PUDP: variants seen among roughly 807,000 people sequenced by gnomAD.
PUDP encodes the protein pseudouridine 5'-phosphatase.
A neutral mutation model predicts 9.4 loss-of-function variants in PUDP; 8 were observed. The ratio of observed to expected loss-of-function variants is 0.85; its 90% CI spans 0.50 to 1.53. PUDP has a LOEUF of 1.53. Among genes scored for constraint, PUDP ranks in the 40% most tolerant of loss-of-function variants. The pLI is 0.00. For synonymous variants in PUDP, 99 were observed against 80.7 expected (o/e 1.23, Z -1.22); for missense variants, 188 against 189.7 (o/e 0.99, Z 0.05).
chrX:7,058,429 T>C (rs1411665477), intron 3 of PUDP, among the ~76,000 whole-genome samples: 7 of 112,364 alleles, frequency 6.2e-5, no homozygotes, highest in Admixed American at 1.9e-4. Flanking sequence ...TAAAGCCATG[T>C]ATGATCTGAA....
At chrX:6,834,958 C>T (rs113974919) in intron 3 of PUDP, among the ~76,000 whole-genome samples, 22 of 111,193 alleles carry the variant, frequency 2.0e-4, no homozygotes, top group African/African-American at 6.5e-4. Context: ...CCGACACATG[C>T]TTTTCGGGGG....
intron 1 of PUDP, among the ~76,000 whole-genome samples, chrX:6,714,820 T>C (rs1924579042): frequency 9.0e-6 from 1 of 111,603 alleles, no homozygotes; most frequent in Admixed American, 9.6e-5. Flanking sequence ...AAGTGATTCT[T>C]CAAACCAACC....
At chrX:6,791,750 TC>T (rs761479561) in intron 3 of PUDP, among the ~76,000 whole-genome samples, 1 of 111,773 alleles carries the variant, frequency 8.9e-6, no homozygotes, top group Non-Finnish European at 1.9e-5. Flanking sequence ...AATTCAGACT[TC>T]CAGGACTGTA....
chrX:6,800,103 C>A (rs746068740), intron 3 of PUDP, among the ~76,000 whole-genome samples: 50 of 111,786 alleles, frequency 4.5e-4, no homozygotes, highest in Non-Finnish European at 8.8e-4. Flanking sequence ...AATTCGAATA[C>A]AATAGGAAGA....
At chrX:7,104,136 G>A (rs1602787494) in intron 2 of PUDP, among the ~76,000 whole-genome samples, 1 of 112,074 alleles carries the variant, frequency 8.9e-6, no homozygotes, top group Non-Finnish European at 1.9e-5. Context: ...CAGCCAAGGT[G>A]TGGATGCCAC....
intron 1 of PUDP, among the ~76,000 whole-genome samples, chrX:7,136,600 A>AT (rs1322414928): frequency 4.5e-5 from 5 of 111,887 alleles, no homozygotes; most frequent in African/African-American, 1.6e-4. Flanking sequence ...TTTGAGAATC[A>AT]TAACACAGAG....
chrX:6,923,153 T>C (rs1928050435), intron 3 of PUDP, among the ~76,000 whole-genome samples: 1 of 111,567 alleles, frequency 9.0e-6, no homozygotes, highest in Admixed American at 9.5e-5. Context: ...TTTTCTTTTA[T>C]CTCTCCTGAT....
chrX:6,830,715 G>C (rs1926491238), intron 3 of PUDP, among the ~76,000 whole-genome samples: 1 of 112,028 alleles, frequency 8.9e-6, no homozygotes, highest in Admixed American at 9.5e-5. Context: ...ACAGTGTTTT[G>C]CACAAAAAAG....
At chrX:7,060,172 G>A (rs759410987) in intron 3 of PUDP, among the ~76,000 whole-genome samples, 1 of 111,745 alleles carries the variant, frequency 8.9e-6, no homozygotes, top group African/African-American at 3.3e-5. Context: ...CCTTCAGGAT[G>A]GATTTATTTT....
At chrX:6,839,162 T>C (rs1207340563) in intron 3 of PUDP, among the ~76,000 whole-genome samples, 1 of 111,652 alleles carries the variant, frequency 9.0e-6, no homozygotes, top group Non-Finnish European at 1.9e-5. Context: ...TCAGTGTTTA[T>C]TGCACATTTT....
chrX:7,027,509 TAGAG>T (rs1929728660), intron 1 of PUDP, among the ~76,000 whole-genome samples: 2 of 105,030 alleles, frequency 1.9e-5, no homozygotes, highest in Non-Finnish European at 3.9e-5. Context: ...TATGAGAATA[TAGAG>T]AGAATATATA....
rs1555907524 is a variant in PUDP, at chrX:6,720,258, G to GTATATGTA, written n.128+1158_128+1159insTACATATA. On this transcript the variant is annotated intron_variant and non_coding_transcript_variant, in intron 1 of 2. Coordinates refer to the PUDP transcript ENST00000438499. ...TGTATATATGTATGTGTGTGTGTGT[G>GTATATGTA]TATATATATATATATATATATATAT... 1.0e-4 allele frequency among the ~76,000 whole-genome samples: 5 copies of GTATATGTA among 48,799 alleles called. No homozygotes were observed. In the East Asian group the frequency reaches 3.2e-3, roughly 31 times the overall value. 42.4% of individuals were successfully genotyped at this position (48,799 alleles called of 115,157 possible). A position where few individuals can be genotyped will look rare whatever the true frequency, so the allele number is the denominator to read the frequency against.
At chrX:7,012,179 G>C (rs1929486077) in intron 1 of PUDP, among the ~76,000 whole-genome samples, 2 of 111,477 alleles carry the variant, frequency 1.8e-5, no homozygotes, top group African/African-American at 6.6e-5. Flanking sequence ...TTTTATCTTG[G>C]TTTCCTTTGT....
At chrX:6,939,379 T>C in intron 3 of PUDP, among the ~76,000 whole-genome samples, 1 of 106,939 alleles carries the variant, frequency 9.4e-6, no homozygotes, top group Non-Finnish European at 1.9e-5. Context: ...TTAATATTAT[T>C]AATATATATT....
intron 3 of PUDP, among the ~76,000 whole-genome samples, chrX:7,054,938 T>C (rs917131591): frequency 1.8e-5 from 2 of 111,603 alleles, no homozygotes; most frequent in African/African-American, 3.3e-5. Flanking sequence ...GTGAGTGGTT[T>C]ACAGGAAAAC....
At chrX:6,712,927 G>T (rs1355790859) in intron 1 of PUDP, among the ~76,000 whole-genome samples, 2 of 111,356 alleles carry the variant, frequency 1.8e-5, no homozygotes, top group Non-Finnish European at 3.8e-5. Flanking sequence ...GTGCCCTGTG[G>T]CCCCAGCCAC....
At chrX:6,731,800 C>T (rs1225843679) in intron 3 of PUDP, among the ~76,000 whole-genome samples, 6 of 103,127 alleles carry the variant, frequency 5.8e-5, no homozygotes, top group African/African-American at 1.9e-4. Flanking sequence ...AGGGAAGGGA[C>T]GGCGGAAGGA....
intron 3 of PUDP, among the ~76,000 whole-genome samples, chrX:6,736,923 T>A (rs1024455401): frequency 9.0e-6 from 1 of 111,714 alleles, no homozygotes; most frequent in African/African-American, 3.3e-5. Context: ...ACTTGCATGA[T>A]GAAATAATCT....
intron 1 of PUDP, among the ~76,000 whole-genome samples, chrX:7,001,823 T>C (rs1005043297): frequency 8.9e-6 from 1 of 111,780 alleles, no homozygotes; most frequent in African/African-American, 3.2e-5. Flanking sequence ...ATCCAGATGA[T>C]TGAAAAATTT....
Sources: allele counts gnomAD v4.1 joint callset (sites outside exome capture counted in the v4.1 genomes callset), GRCh38; gene constraint gnomAD v4.1.1; transcripts MANE v1.5; gene names NCBI Gene and HGNC (gene_info 2026-07-23, HGNC 2026-07-21).